TTN: variants seen among roughly 807,000 people sequenced by gnomAD.
TTN encodes connectin.
A neutral mutation model predicts 3,223.0 loss-of-function variants in TTN; 1,525 were observed. That is an observed-to-expected ratio of 0.47 (90% CI 0.45 to 0.49). TTN has a LOEUF of 0.49. Ranked by LOEUF, TTN falls within the 20% of genes least tolerant of loss-of-function variation. TTN has a pLI of 0.00. For missense variants in TTN, 40,786 were observed against 43,424.0 expected (o/e 0.94, Z 5.40); for synonymous variants, 14,094 against 15,161.0 (o/e 0.93, Z 5.17).
At chr2:178,538,025 A>AT (rs1692450586) in intron 354 of TTN, 108 bp from the exon 355 acceptor site, 19 of 1,016,136 alleles carry the variant, frequency 1.9e-5, no homozygotes, top group Non-Finnish European at 2.5e-5. Flanking sequence ...ACATACCATG[A>AT]TTTACATATT....
chr2:178,591,647 G>A lies in TTN; in HGVS notation c.60172C>T (p.Leu20058Phe), dbSNP rs2050227759. ...GGGATAGTTGTGTCAGGGAGACCAAGACCCACAATGTTTTCAGCTTTTACA... is the reference window on the plus strand; with the variant it reads ...GGGATAGTTGTGTCAGGGAGACCAAAACCCACAATGTTTTCAGCTTTTACA... ...FRVKAENIVGLGLPDTTIPIE... is the reference protein window; with the variant it reads ...FRVKAENIVGFGLPDTTIPIE... Residue 20058 changes from leucine (L) to phenylalanine (F), a missense_variant, in exon 303 of 363, where the codon CTT becomes TTT. By Grantham distance (22) the Leu-to-Phe change is conservative. Coordinates refer to ENST00000589042, the MANE Select transcript of TTN (RefSeq NM_001267550.2). 1 of 1,613,468 alleles carries A rather than the reference G, an allele frequency of 6.2e-7. No homozygotes were observed. The highest frequency in any genetic ancestry group is 8.5e-7 in the Non-Finnish European group (1 of 1,179,562).
Position 178,756,399 on chromosome 2 carries a change from AG to A in TTN, c.11076del (p.Trp3693GlyfsTer8), listed in dbSNP as rs1158612715. The A allele has an allele frequency of 6.2e-7, 1 of 1,613,828 alleles. No homozygotes were observed. The highest frequency in any genetic ancestry group is 1.1e-5 in the South Asian group (1 of 91,080). ...TCTATCTTTGCACCTTCGTGAGTCCAGGTTACATCAATGAAAGAATCATCTT... is the reference window on the plus strand; with the variant it reads ...TCTATCTTTGCACCTTCGTGAGTCCAGTTACATCAATGAAAGAATCATCTT... ...VLKDDSFIDV[T>X]WTHEGAKIEE... On this transcript the variant is annotated frameshift_variant, in exon 46 of 363. Coordinates refer to ENST00000589042, the MANE Select transcript of TTN (RefSeq NM_001267550.2). LOFTEE classifies it high-confidence loss of function.
At position 178,766,364 on chromosome 2, in the gene TTN, A is replaced by T. The variant is rs377693857; in HGVS notation, c.9703+17T>A. The stretch of plus-strand genomic sequence containing the variant: ...CTGATGGATCCACAAAATATGCTGA[A>T]ATCTGTCCCTACATACCATTGACAT... On this transcript the variant is annotated intron_variant, in intron 41 of 362. Transcript: ENST00000589042. 1.3e-3 allele frequency: 1,985 copies of T among 1,571,228 alleles called. 2 individuals carry two copies. Among genetic ancestry groups the T allele is most frequent in the Non-Finnish European group, 1.6e-3 (1,801 of 1,140,952 alleles).
intron 248 of TTN, 40 bp downstream of exon 248, chr2:178,620,177 A>G: frequency 6.4e-7 from 1 of 1,571,820 alleles, no homozygotes; most frequent in Non-Finnish European, 8.6e-7. Flanking sequence ...AAAAGTGTAT[A>G]TATAGCTACA....
At position 178,528,771 on chromosome 2, in the gene TTN, C is replaced by G; in HGVS notation, c.106980G>C (p.Gln35660His). The change falls in exon 360 of 363, where the codon CAG becomes CAC. Residue 35660 changes from glutamine to histidine, a missense_variant. Gln to His is a conservative substitution (Grantham distance 24). Transcript: ENST00000589042. ...GACTGGCTTGCTTGATGGTTAGGGT[C>G]TGATCGCTGCCTGAGACACCATATC... ...EYRYGVSGSD[Q>H]TLTIKQASHR... 1.2e-6 allele frequency: 2 copies of G among 1,612,708 alleles called. No homozygotes were observed. The highest frequency in any genetic ancestry group is 1.7e-6 in the Non-Finnish European group (2 of 1,179,014).
rs77545372 is a variant in TTN, at chr2:178,724,689, A to T, written c.20837-151T>A. 2.9e-3 allele frequency: 1,988 copies of T among 679,376 alleles called. 34 individuals are homozygous for T. The African/African-American group carries it at 0.033, about 11-fold the overall frequency. The allele number at this position is 679,376 out of a possible 1,614,324, so 42.1% of individuals were successfully genotyped here. The stretch of plus-strand genomic sequence containing the variant: ...AAAGTGTGATTCCATAATTACATGC[A>T]GTCATAGAATTATAGCTATTTTTTA... On this transcript the variant is annotated intron_variant, in intron 71 of 362. Transcript: ENST00000589042.
rs141253288 is a variant in TTN, at chr2:178,794,527, C to T, written c.1270G>A (p.Ala424Thr). ...KEVKQDADKS[A>T]AVATVVAAVD... ...GCAGCAACAACAGTCGCAACAGCTG[C>T]ACTTTTGTCAGCATCTTGTTTCACC... Residue 424 changes from alanine (A) to threonine (T), a missense_variant, in exon 8 of 363, where the codon GCA becomes ACA. Coordinates refer to ENST00000589042, the MANE Select transcript of TTN (RefSeq NM_001267550.2). 3.7e-6 allele frequency: 6 copies of T among 1,614,084 alleles called. No individual in the cohort carries two copies. The African/African-American group carries it at 6.7e-5, about 18-fold the overall frequency.
rs1234622480 is a variant in TTN, at chr2:178,775,081, A to G, written c.6630T>C (p.Asp2210=). ...EPFVKVKWYK[D]GMEVHEGDKY... Reference sequence around the variant, plus strand: ...TATCTCCCTCATGAACCTCCATACCATCTTTATACCATTTCACTTTGACAA... The same window carrying G: ...TATCTCCCTCATGAACCTCCATACCGTCTTTATACCATTTCACTTTGACAA... Residue 2210 remains aspartate (D), a synonymous_variant, in exon 29 of 363, where the codon GAT becomes GAC. Transcript: ENST00000589042. 3.7e-6 allele frequency: 6 copies of G among 1,613,948 alleles called. No individual in the cohort carries two copies. The highest frequency in any genetic ancestry group is 5.1e-6 in the Non-Finnish European group (6 of 1,179,988).
At position 178,575,720 on chromosome 2, in the gene TTN, A is replaced by G. The variant is rs1475765674; in HGVS notation, c.70412T>C (p.Ile23471Thr). The G allele has an allele frequency of 4.3e-6, 7 of 1,613,344 alleles. No homozygotes were observed. Among genetic ancestry groups the G allele is most frequent in the Non-Finnish European group, 5.9e-6 (7 of 1,179,642 alleles). ...IDGGSRITNY[I>T]VEKREATRKS... ...CCGTGTTGCTTCACGTTTCTCTACAATGTAGTTTGTTATACGTGAGCCTCC... is the reference window on the plus strand; with the variant it reads ...CCGTGTTGCTTCACGTTTCTCTACAGTGTAGTTTGTTATACGTGAGCCTCC... Residue 23471 changes from isoleucine to threonine, a missense_variant, in exon 326 of 363, where the codon ATT becomes ACT. Physicochemically the swap from Ile to Thr is moderately conservative, Grantham distance 89. Transcript: ENST00000589042. The surrounding 1 kb of genome is among the most constrained non-coding windows in gnomAD (Gnocchi z 4.0).
Position 178,780,112 on chromosome 2 carries a change from G to A in TTN, c.3617C>T (p.Ala1206Val). ...ATACTCAGAGTATACAAATCCAGGT[G>A]CTGTTTCTCCAACTTTAGGTTCTTG... ...FVQEPKVGET[A>V]PGFVYSEYEK... The change falls in exon 22 of 363, where the codon GCA becomes GTA. Residue 1206 changes from alanine to valine, a missense_variant. Transcript: ENST00000589042. 1 of 1,613,726 alleles carries A rather than the reference G, an allele frequency of 6.2e-7. No homozygotes were observed. Among genetic ancestry groups the A allele is most frequent in the Non-Finnish European group, 8.5e-7 (1 of 1,179,798 alleles).
Position 178,717,782 on chromosome 2 carries a change from T to C in TTN, c.25092A>G (p.Arg8364=). The C allele has an allele frequency of 6.2e-7, 1 of 1,608,030 alleles. No individual in the cohort carries two copies. Among genetic ancestry groups the C allele is most frequent in the Non-Finnish European group, 8.5e-7 (1 of 1,176,962 alleles). Residue 8364 remains arginine, a synonymous_variant, in exon 87 of 363, where the codon AGA becomes AGG. Coordinates refer to ENST00000589042, the MANE Select transcript of TTN (RefSeq NM_001267550.2). ...GAGTCTCATGAACGTCTTTCAGTTT[T>C]CTTGCAAAGAAAGGTGGAAGTTTGC... is the stretch of plus-strand genomic sequence containing the variant. ...KARKLPPFFA[R]KLKDVHETLG...
chr2:178,780,038 T>C lies in TTN; in HGVS notation c.3691A>G (p.Lys1231Glu), dbSNP rs760703935. ...EQALIRKKMA[K>E]DTVVVRTYVE... is the part of the protein sequence containing the mutation. ...TAAGTTCTGACCACTACAGTATCTT[T>C]GGCCATTTTCTTCCTAATTAAGGCT... Residue 1231 changes from lysine (K) to glutamate (E), a missense_variant, in exon 22 of 363, where the codon AAA (lysine) becomes GAA (glutamate). Coordinates refer to ENST00000589042, the MANE Select transcript of TTN (RefSeq NM_001267550.2). The C allele has an allele frequency of 1.2e-6, 2 of 1,613,388 alleles. No individual in the cohort carries two copies. The highest frequency in any genetic ancestry group is 1.7e-6 in the Non-Finnish European group (2 of 1,179,846).
In TTN at chr2:178,685,321, C is replaced by T; in HGVS notation, c.32402G>A (p.Arg10801Lys). The change falls in exon 129 of 363, where the codon AGG (arginine) becomes AAG (lysine). Residue 10801 changes from arginine to lysine, a missense_variant. Arg to Lys is a conservative substitution (Grantham distance 26). Transcript: ENST00000589042. The stretch of plus-strand genomic sequence containing the variant: ...TTTCAGTACAATTTTCTTCTCCTGC[C>T]TCTCTGTCACTTGAAAAGATTATAA... ...VEAEPAEVTE[R>K]QEKKIVLKPK... The T allele has an allele frequency of 6.4e-7, 1 of 1,550,794 alleles. No homozygotes were observed.
At chr2:178,645,803 A>T in intron 217 of TTN, 117 bp downstream of exon 217, 1 of 610,424 alleles carries the variant, frequency 1.6e-6, no homozygotes, top group South Asian at 2.8e-5. Flanking sequence ...CTCACAGTAC[A>T]ATCATGTCTG....
rs879033462 is a variant in TTN at position 178,706,577 on chromosome 2, G to T, written c.29297C>A (p.Ser9766Tyr). Residue 9766 changes from serine to tyrosine, a missense_variant, in exon 102 of 363, where the codon TCT becomes TAT. By Grantham distance (144) the Ser-to-Tyr change is moderately radical (BLOSUM62 -2). Coordinates refer to ENST00000589042, the MANE Select transcript of TTN (RefSeq NM_001267550.2). Reference sequence around the variant, plus strand: ...AAATGCCACGCATCGGTATAACCCAGAATCAGTTTTTGTGGTGTCCCTAAT... The same window carrying T: ...AAATGCCACGCATCGGTATAACCCATAATCAGTTTTTGTGGTGTCCCTAAT... ...LEIRDTTKTDSGLYRCVAFNE... is the reference protein window; with the variant it reads ...LEIRDTTKTDYGLYRCVAFNE... The T allele has an allele frequency of 6.2e-7, 1 of 1,613,856 alleles. No homozygotes were observed. Among genetic ancestry groups the T allele is most frequent in the Non-Finnish European group, 8.5e-7 (1 of 1,179,840 alleles).
chr2:178,617,163 A>G lies in TTN; in HGVS notation c.47832T>C (p.Asp15944=), dbSNP rs2154208503. The stretch of plus-strand genomic sequence containing the variant: ...TGAGAGGACCAAGAATTTCAGATGG[A>G]TCTGAAACACCAGCTTTATTTTCTG... ...VSAENKAGVS[D]PSEILGPLTA... is the part of the protein sequence containing the mutation. Residue 15944 remains aspartate (D), a synonymous_variant, in exon 255 of 363, where the codon GAT becomes GAC. Transcript: ENST00000589042. 1 of 1,605,276 alleles carries G rather than the reference A, an allele frequency of 6.2e-7. No individual in the cohort carries two copies. The highest frequency in any genetic ancestry group is 1.3e-5 in the African/African-American group (1 of 74,708).
Position 178,679,371 on chromosome 2 carries a change from A to C in TTN, c.33710T>G (p.Ile11237Ser). The change falls in exon 142 of 363, where the codon ATT becomes AGT. Residue 11237 changes from isoleucine to serine, a missense_variant. Ile to Ser is a moderately radical substitution (Grantham distance 142). Coordinates refer to ENST00000589042, the MANE Select transcript of TTN (RefSeq NM_001267550.2). ...KKPEEKVPVL[I>S]PKKEKPPPAK... ...TGGCGGAGGCTTCTCCTTTTTAGGAATAAGCACAGGAACTTTCTCCTCTGG... is the reference window on the plus strand; with the variant it reads ...TGGCGGAGGCTTCTCCTTTTTAGGACTAAGCACAGGAACTTTCTCCTCTGG... 1.2e-6 allele frequency: 2 copies of C among 1,612,786 alleles called. No homozygotes were observed. The highest frequency in any genetic ancestry group is 1.7e-6 in the Non-Finnish European group (2 of 1,179,088).
Position 178,538,342 on chromosome 2 carries a change from C to T in TTN, c.99289+198G>A, listed in dbSNP as rs1318619083. The T allele has an allele frequency of 5.6e-6, 3 of 538,630 alleles. No individual in the cohort carries two copies. In the South Asian group the frequency reaches 9.9e-5, roughly 18 times the overall value. The allele number at this position is 538,630 out of a possible 1,614,324, so 33.4% of individuals were successfully genotyped here. The stretch of plus-strand genomic sequence containing the variant: ...CTCAAGGAAAGTGCTCAGTTCACTC[C>T]ATCTAACATCTGCTGAGGTTGTGTG... On this transcript the variant is annotated intron_variant, in intron 354 of 362. Coordinates refer to ENST00000589042, the MANE Select transcript of TTN (RefSeq NM_001267550.2).
chr2:178,548,847 T>C lies in TTN; in HGVS notation c.92779A>G (p.Ile30927Val), dbSNP rs1416836304. ...TGAGTCTGTTTGAAGTTTGCATCTA[T>C]GTCTAACTCAGGAGCTGTTAACCGG... is the stretch of plus-strand genomic sequence containing the variant. ...VDRLTAPELD[I>V]DANFKQTHVV... Residue 30927 changes from isoleucine (I) to valine (V), a missense_variant, in exon 339 of 363, where the codon ATA becomes GTA. Coordinates refer to ENST00000589042, the MANE Select transcript of TTN (RefSeq NM_001267550.2). The surrounding 1 kb of genome is among the most constrained non-coding windows in gnomAD (Gnocchi z 4.3). The C allele has an allele frequency of 1.2e-6, 2 of 1,613,442 alleles. No individual in the cohort carries two copies. The highest frequency in any genetic ancestry group is 4.5e-5 in the East Asian group (2 of 44,846).
Sources: allele counts gnomAD v4.1 joint callset, GRCh38; gene constraint gnomAD v4.1.1; non-coding constraint Gnocchi (gnomAD v3.1); transcripts MANE v1.5; gene names NCBI Gene and HGNC (gene_info 2026-07-23, HGNC 2026-07-21).